The following DENND1A variants were observed in gnomAD, a reference collection of about 807,000 sequenced individuals.
DENND1A encodes DENN domain containing 1A.
DENND1A carries 51 observed loss-of-function variants against 113.7 expected under a neutral mutation model. The observed-to-expected ratio is 0.45, with a 90% CI of 0.36 to 0.57. The LOEUF is 0.57. DENND1A is among the 20% of genes least tolerant of loss of function. The pLI is 0.00. For synonymous variants in DENND1A, 565 were observed against 570.8 expected (o/e 0.99, Z 0.14); for missense variants, 1,258 against 1,395.9 (o/e 0.90, Z 1.57).
intron 19 of DENND1A, among the ~76,000 whole-genome samples, chr9:123,437,018 T>C (rs1483978243): frequency 1.3e-5 from 2 of 152,208 alleles, no homozygotes; most frequent in Non-Finnish European, 2.9e-5. Flanking sequence ...AGGTGGACTA[T>C]GACTGACTAT....
chr9:123,773,257 C>T (rs1829996119), intron 3 of DENND1A, among the ~76,000 whole-genome samples: 1 of 152,158 alleles, frequency 6.6e-6, no homozygotes, highest in Admixed American at 6.5e-5. Flanking sequence ...CCACAAGAGA[C>T]ACCAAGCCTC....
At chr9:123,661,411 A>G (rs1052619540) in intron 8 of DENND1A, among the ~76,000 whole-genome samples, 4 of 152,380 alleles carry the variant, frequency 2.6e-5, no homozygotes, top group East Asian at 3.9e-4. Flanking sequence ...GAAGGTATAC[A>G]TATTAGATGC....
At chr9:123,820,801 TATCACAA>T (rs1383089353) in intron 2 of DENND1A, among the ~76,000 whole-genome samples, 1 of 152,232 alleles carries the variant, frequency 6.6e-6, no homozygotes, top group Non-Finnish European at 1.5e-5. Context: ...CAATTGTTCA[TATCACAA>T]AATTGATTTT....
At chr9:123,570,855 G>A (rs953499699) in intron 12 of DENND1A, among the ~76,000 whole-genome samples, 1 of 152,196 alleles carries the variant, frequency 6.6e-6, no homozygotes, top group Non-Finnish European at 1.5e-5. Flanking sequence ...GAGAGTCTGA[G>A]GGTTCTGGGC....
intron 4 of DENND1A, among the ~76,000 whole-genome samples, chr9:123,768,853 GA>G (rs58592395): frequency 0.031 from 4,071 of 130,752 alleles, 182 homozygotes; most frequent in African/African-American, 0.1. Context: ...TCGTTAAAAA[GA>G]AAAAAAAAAA....
Position 123,705,070 on chromosome 9 carries a change from A to T in DENND1A, c.303-28281T>A, listed in dbSNP as rs377348330. On this transcript the variant is annotated intron_variant, in intron 5 of 23. Transcript: ENST00000394215. ...TGAAATCCCACGCAAGATGAATTTA[A>T]AAAAAAAAAACAAACAAACACATGA... Among the ~76,000 whole-genome samples the T allele has an allele frequency of 2.7e-4, 15 of 55,616 alleles. No homozygotes were observed. The African/African-American group carries it at 3.9e-3, about 15-fold the overall frequency. The allele number at this position is 55,616 out of a possible 152,430, so 36.5% of individuals were successfully genotyped here. A position where few individuals can be genotyped will look rare whatever the true frequency, so the allele number is the denominator to read the frequency against.
Position 123,620,232 on chromosome 9 carries a change from A to AAAAAAAAAAAAAG in DENND1A, c.719+10143_719+10144insCTTTTTTTTTTTT, listed in dbSNP as rs1554916729. Among the ~76,000 whole-genome samples the AAAAAAAAAAAAAG allele has an allele frequency of 5.3e-4, 61 of 114,372 alleles. 1 individual carries two copies. The highest frequency in any genetic ancestry group is 1.8e-3 in the African/African-American group (48 of 26,828). The allele number at this position is 114,372 out of a possible 152,430, so 75.0% of individuals were successfully genotyped here. On this transcript the variant is annotated intron_variant, in intron 10 of 23. Transcript: ENST00000394215. Reference sequence around the variant, plus strand: ...CCATCTCAAAAAAAAAAAAAAAAAAAAAAAAAGAAAAGAAAAAGAAAAAAA... The same window carrying AAAAAAAAAAAAAG: ...CCATCTCAAAAAAAAAAAAAAAAAAAAAAAAAAAAAAAGAAAAAAGAAAAGAAAAAGAAAAAAA...
chr9:123,769,745 C>A (rs1221526658), intron 3 of DENND1A, among the ~76,000 whole-genome samples, 182 bp from the exon 4 acceptor site: 2 of 152,108 alleles, frequency 1.3e-5, no homozygotes, highest in African/African-American at 4.8e-5. Flanking sequence ...TAAACATGAT[C>A]AAACTTCATT....
chr9:123,661,760 AAC>A (rs1363402337), intron 8 of DENND1A, among the ~76,000 whole-genome samples: 1 of 152,236 alleles, frequency 6.6e-6, no homozygotes, highest in East Asian at 1.9e-4. Flanking sequence ...ATCTATAAAT[AAC>A]AGTCTCACAG....
chr9:123,478,705 G>A (rs982575934), intron 13 of DENND1A, among the ~76,000 whole-genome samples: 1 of 152,214 alleles, frequency 6.6e-6, no homozygotes, highest in Non-Finnish European at 1.5e-5. Flanking sequence ...CTAGTAAAAT[G>A]TTAATGGTAC....
At chr9:123,727,526 A>G (rs2067795454) in intron 5 of DENND1A, among the ~76,000 whole-genome samples, 1 of 152,224 alleles carries the variant, frequency 6.6e-6, no homozygotes, top group African/African-American at 2.4e-5. Flanking sequence ...CATAATTACA[A>G]AATGGTGCAA....
At chr9:123,914,544 C>CAAAA (rs1290774207) in intron 1 of DENND1A, among the ~76,000 whole-genome samples, 4 of 65,244 alleles carry the variant, frequency 6.1e-5, no homozygotes, top group African/African-American at 9.4e-5. Context: ...GACTCCATCT[C>CAAAA]AAAAAAAAAA....
intron 12 of DENND1A, among the ~76,000 whole-genome samples, chr9:123,579,234 T>C (rs1331345292): frequency 6.6e-6 from 1 of 152,206 alleles, no homozygotes; most frequent in Admixed American, 6.5e-5. Flanking sequence ...AACAACCTTA[T>C]GTGGAAATTA....
intron 2 of DENND1A, among the ~76,000 whole-genome samples, chr9:123,845,798 G>A (rs866667221): frequency 1.1e-4 from 17 of 150,800 alleles, no homozygotes; most frequent in African/African-American, 3.9e-4. Flanking sequence ...ATAAATCATT[G>A]TAACTTTAGG....
intron 6 of DENND1A, 82 bp from the exon 7 acceptor site, chr9:123,671,453 G>T: frequency 7.5e-7 from 1 of 1,331,350 alleles, no homozygotes; most frequent in Non-Finnish European, 1.1e-6. Flanking sequence ...GGGCACACAT[G>T]ACTGAGGGGG....
chr9:123,775,058 CAA>C (rs1830270155), intron 3 of DENND1A, among the ~76,000 whole-genome samples: 1 of 152,180 alleles, frequency 6.6e-6, no homozygotes, highest in Admixed American at 6.5e-5. Flanking sequence ...TTAGCTAAAA[CAA>C]AGTTGTTCCA....
chr9:123,818,111 G>A (rs1249536828), intron 2 of DENND1A, among the ~76,000 whole-genome samples: 2 of 151,980 alleles, frequency 1.3e-5, no homozygotes, highest in Non-Finnish European at 2.9e-5. Context: ...TTTTCGTTTT[G>A]TTTTGTTTTG....
At chr9:123,535,516 T>A (rs1177501916) in intron 13 of DENND1A, among the ~76,000 whole-genome samples, 1 of 152,224 alleles carries the variant, frequency 6.6e-6, no homozygotes, top group African/African-American at 2.4e-5. Context: ...CCCCTGCCTC[T>A]CTCGGCCTCT....
chr9:123,878,471 T>C (rs1164434832), intron 2 of DENND1A, among the ~76,000 whole-genome samples: 2 of 152,208 alleles, frequency 1.3e-5, no homozygotes, highest in Non-Finnish European at 2.9e-5. Flanking sequence ...AGGTGTTTCC[T>C]TCAACTAATT....
Sources: gnomAD v4.1 joint callset for allele counts (sites outside exome capture counted in the v4.1 genomes callset) on GRCh38, gnomAD v4.1.1 for gene constraint, MANE v1.5 for transcripts, NCBI Gene and HGNC (gene_info 2026-07-23, HGNC 2026-07-21) for gene names.